DNAH5: variants seen among roughly 807,000 people sequenced by gnomAD.
DNAH5 encodes the protein dynein axonemal heavy chain 5, also known as axonemal beta dynein heavy chain 5.
Under a neutral mutation model 518.2 loss-of-function variants are expected in DNAH5, and 372 were observed. The ratio of observed to expected loss-of-function variants is 0.72; its 90% CI spans 0.66 to 0.78. The LOEUF (loss-of-function observed/expected upper bound fraction) is 0.78, where lower values mean the gene tolerates loss of function less well. DNAH5 is among the 30% of genes least tolerant of loss of function. The pLI, the probability that DNAH5 is intolerant of heterozygous loss-of-function variation, is 0.00. For synonymous variants in DNAH5, 2,039 were observed against 2,025.9 expected, an observed-to-expected ratio of 1.01 and a Z score of -0.17; for missense variants, 5,523 against 5,687.0, an observed-to-expected ratio of 0.97 and a Z score of 0.93.
upstream of DNAH5, among the ~76,000 whole-genome samples, chr5:13,947,394 T>C (rs1780014832): frequency 6.6e-6 from 1 of 152,194 alleles, no homozygotes; most frequent in African/African-American, 2.4e-5. Flanking sequence ...ATCCCAGCTA[T>C]GTGACATCAG....
chr5:13,898,907 C>A, intron 15 of DNAH5: 1 of 310,878 alleles, frequency 3.2e-6, no homozygotes, highest in Non-Finnish European at 5.8e-6. Context: ...CCTTTTCATA[C>A]CCTTGGCTTC....
chr5:13,902,344 C>T (rs1027441661), intron 12 of DNAH5, among the ~76,000 whole-genome samples: 2 of 152,142 alleles, frequency 1.3e-5, no homozygotes, highest in Non-Finnish European at 2.9e-5. Flanking sequence ...TGGGAGTTGG[C>T]GCCACGTCAG....
At chr5:13,761,402 G>A (rs1285758496) in intron 60 of DNAH5, among the ~76,000 whole-genome samples, 1 of 152,076 alleles carries the variant, frequency 6.6e-6, no homozygotes. Context: ...GACCATCCTG[G>A]CTAACATGGT....
intron 1 of DNAH5, among the ~76,000 whole-genome samples, chr5:13,990,110 A>C (rs1354169465): frequency 6.6e-6 from 1 of 152,190 alleles, no homozygotes; most frequent in Non-Finnish European, 1.5e-5. Context: ...TGTGCACTTA[A>C]ATAATAAAAC....
intron 1 of DNAH5, among the ~76,000 whole-genome samples, chr5:13,984,602 G>A (rs1450277494): frequency 6.6e-6 from 1 of 152,192 alleles, no homozygotes; most frequent in African/African-American, 2.4e-5. Flanking sequence ...TCCCTGTCTT[G>A]TGCCAGTTTT....
chr5:14,001,018 T>G (rs1289738433), intron 1 of DNAH5, among the ~76,000 whole-genome samples: 1 of 152,152 alleles, frequency 6.6e-6, no homozygotes, highest in Admixed American at 6.5e-5. Context: ...TGGAGGCCAT[T>G]ATCCTAAGCA....
chr5:14,010,864 G>A (rs967507696), intron 1 of DNAH5, among the ~76,000 whole-genome samples: 2 of 138,358 alleles, frequency 1.4e-5, no homozygotes, highest in African/African-American at 2.7e-5. Flanking sequence ...ATATTTTATC[G>A]ATTAGCATAA....
At chr5:13,817,828 T>C in intron 41 of DNAH5, 134 bp from the exon 42 acceptor site, 2 of 758,430 alleles carry the variant, frequency 2.6e-6, no homozygotes, top group Non-Finnish European at 4.3e-6. Flanking sequence ...ATTGAAAATA[T>C]GTCTTACTGC....
chr5:13,829,780 G>T, intron 37 of DNAH5, 76 bp from the exon 38 acceptor site: 1 of 1,417,738 alleles, frequency 7.1e-7, no homozygotes, highest in Non-Finnish European at 9.9e-7. Flanking sequence ...GATTCATTAT[G>T]TACACACAAC....
At chr5:13,931,021 G>T in intron 2 of DNAH5, 89 bp downstream of exon 2, 4 of 1,598,030 alleles carry the variant, frequency 2.5e-6, no homozygotes, top group Non-Finnish European at 3.4e-6. Flanking sequence ...CTCCCTCTGG[G>T]CACAGCATGG....
At position 13,854,674 on chromosome 5, in the gene DNAH5, T is replaced by C. The variant is rs146311998; in HGVS notation, c.4951-3859A>G. Among the ~76,000 whole-genome samples the C allele has an allele frequency of 3.0e-3, 429 of 144,438 alleles. 1 individual carries two copies. The highest frequency in any genetic ancestry group is 0.01 in the African/African-American group (405 of 39,374). 94.8% of individuals were successfully genotyped at this position (144,438 alleles called of 152,430 possible). A position where few individuals can be genotyped will look rare whatever the true frequency, so the allele number is the denominator to read the frequency against. On this transcript the variant is annotated intron_variant, in intron 30 of 78. Transcript: ENST00000265104. ...CTCAAAATAAAGGGATAGAGGAATA[T>C]TTACCAAGCAAATGGAAAGCAAAGA... is the stretch of plus-strand genomic sequence containing the variant.
chr5:13,719,064 A>G lies in DNAH5; in HGVS notation c.12317T>C (p.Leu4106Pro). Residue 4106 changes from leucine (L) to proline (P), a missense_variant, in exon 72 of 79, where the codon CTT (leucine) becomes CCT (proline). Leu to Pro is a moderately conservative substitution (Grantham distance 98). This residue lies in a region of DNAH5 where 5,121 missense variants were observed against 5,223.3 expected (regional missense o/e 0.98). Transcript: ENST00000265104. ...GTCCATCAGCTCATCCATGAAATCAAGTCCCAGATGGCAGTTCTGCAGAAG... is the reference window on the plus strand; with the variant it reads ...GTCCATCAGCTCATCCATGAAATCAGGTCCCAGATGGCAGTTCTGCAGAAG... ...WALLQNCHLG[L>P]DFMDELMDII... 1 of 1,614,164 alleles carries G rather than the reference A, an allele frequency of 6.2e-7. No individual in the cohort carries two copies. Among genetic ancestry groups the G allele is most frequent in the Non-Finnish European group, 8.5e-7 (1 of 1,180,004 alleles).
intron 2 of DNAH5, among the ~76,000 whole-genome samples, chr5:13,929,638 G>A (rs557944695): frequency 1.3e-5 from 2 of 152,126 alleles, no homozygotes; most frequent in African/African-American, 4.8e-5. Flanking sequence ...TCAATTCCAG[G>A]CCAAGAATGC....
intron 53 of DNAH5, among the ~76,000 whole-genome samples, chr5:13,778,596 A>AAGAGAG (rs199841746): frequency 0.056 from 5,716 of 101,414 alleles, 406 homozygotes; most frequent in Non-Finnish European, 0.07. Context: ...GAAAGAAAGA[A>AAGAGAG]AGAGAGAGAG....
intron 12 of DNAH5, among the ~76,000 whole-genome samples, chr5:13,909,317 A>T (rs896196501): frequency 1.3e-5 from 2 of 152,164 alleles, no homozygotes; most frequent in African/African-American, 4.8e-5. Flanking sequence ...ATAATAATAA[A>T]ATAGTACAAT....
At chr5:13,853,173 A>G (rs1767131058) in intron 30 of DNAH5, among the ~76,000 whole-genome samples, 1 of 152,214 alleles carries the variant, frequency 6.6e-6, no homozygotes, top group Non-Finnish European at 1.5e-5. Context: ...CAGAGGAAGG[A>G]GCAGGCAGCA....
intron 47 of DNAH5, among the ~76,000 whole-genome samples, chr5:13,795,112 T>C (rs868687462): frequency 6.6e-6 from 1 of 152,144 alleles, no homozygotes; most frequent in Middle Eastern, 3.4e-3. Context: ...AGATCCAAAA[T>C]TGACACCCTA....
At chr5:13,919,476 A>G in intron 6 of DNAH5, 124 bp from the exon 7 acceptor site, 1 of 1,124,550 alleles carries the variant, frequency 8.9e-7, no homozygotes, top group East Asian at 2.4e-5. Flanking sequence ...TGCGTATTCC[A>G]TGCTTCCAAT....
At chr5:13,768,400 G>C (rs1268076985) in intron 58 of DNAH5, among the ~76,000 whole-genome samples, 4 of 152,162 alleles carry the variant, frequency 2.6e-5, no homozygotes, top group African/African-American at 9.7e-5. Flanking sequence ...GCGGAACTCT[G>C]AGTCAATTAA....
Sources: allele counts gnomAD v4.1 joint callset (sites outside exome capture counted in the v4.1 genomes callset), GRCh38; gene constraint gnomAD v4.1.1; regional missense constraint gnomAD v4.1.1; transcripts MANE v1.5; gene names NCBI Gene and HGNC (gene_info 2026-07-23, HGNC 2026-07-21).